The following ATP6V1E2 variants were observed in gnomAD, a reference collection of about 807,000 sequenced individuals.
ATP6V1E2 encodes V-type proton ATPase subunit E 2.
For missense variants in ATP6V1E2, 308 were observed against 273.3 expected, an observed-to-expected ratio of 1.13 and a Z score of -0.90; for synonymous variants, 121 against 104.2, an observed-to-expected ratio of 1.16 and a Z score of -0.98.
Position 46,512,486 on chromosome 2 carries a change from T to G in ATP6V1E2, c.226A>C (p.Arg76=). Reference sequence around the variant, plus strand: ...AGGACTTTCAGCCTCGCCTGATTCCTCATGGTGGACATCAGGATTTTCTTC... The same window carrying G: ...AGGACTTTCAGCCTCGCCTGATTCCGCATGGTGGACATCAGGATTTTCTTC... ...QQKKILMSTM[R]NQARLKVLRA... is the part of the protein sequence containing the mutation. The change falls in exon 5 of 5, where the codon AGG becomes CGG. Residue 76 remains arginine (R), a synonymous_variant. Coordinates refer to ENST00000522587, the MANE Select transcript of ATP6V1E2 (RefSeq NM_001318063.2). The G allele has an allele frequency of 6.2e-7, 1 of 1,614,238 alleles. No individual in the cohort carries two copies. Among genetic ancestry groups the G allele is most frequent in the Non-Finnish European group, 8.5e-7 (1 of 1,180,048 alleles).
intron 4 of ATP6V1E2, among the ~76,000 whole-genome samples, chr2:46,513,159 A>C (rs1687553373): frequency 1.3e-5 from 2 of 152,182 alleles, no homozygotes; most frequent in Admixed American, 1.3e-4. Context: ...ATTTGGGGTC[A>C]GGAGGGTTGG....
chr2:46,524,260 T>C (rs1416348748), intron 4 of ATP6V1E2, among the ~76,000 whole-genome samples: 1 of 152,120 alleles, frequency 6.6e-6, no homozygotes, highest in Non-Finnish European at 1.5e-5. Context: ...AGGTAGGGGA[T>C]GGTTTGAGAC....
At chr2:46,528,282 C>T (rs1392806493) in intron 4 of ATP6V1E2, among the ~76,000 whole-genome samples, 4 of 152,170 alleles carry the variant, frequency 2.6e-5, no homozygotes, top group Admixed American at 6.5e-5. Context: ...TAAATAAATT[C>T]ACCCTTCTTA....
chr2:46,523,116 T>G (rs1558661219), intron 4 of ATP6V1E2, among the ~76,000 whole-genome samples: 1 of 152,300 alleles, frequency 6.6e-6, no homozygotes, highest in Non-Finnish European at 1.5e-5. Flanking sequence ...TTTAAGTTCC[T>G]CGTAAATTCT....
chr2:46,538,653 TTCTC>T (rs1046722478), intron 2 of ATP6V1E2, among the ~76,000 whole-genome samples: 5 of 152,052 alleles, frequency 3.3e-5, no homozygotes, highest in South Asian at 2.1e-4. Context: ...GGTGGTGGTG[TTCTC>T]TCTCTCTCTT....
chr2:46,512,404 C>A lies in ATP6V1E2; in HGVS notation c.308G>T (p.Ser103Ile), dbSNP rs372465497. The A allele has an allele frequency of 6.2e-7, 1 of 1,614,056 alleles. No homozygotes were observed. The highest frequency in any genetic ancestry group is 1.3e-5 in the African/African-American group (1 of 74,908). The change falls in exon 5 of 5, where the codon AGC becomes ATC. Residue 103 changes from serine (S) to isoleucine (I), a missense_variant. By Grantham distance (142) the Ser-to-Ile change is moderately radical. Coordinates refer to ENST00000522587, the MANE Select transcript of ATP6V1E2 (RefSeq NM_001318063.2). ...GACCTCTGGGTCCTCCACAATCCTG[C>A]TGAGTCTCAGCTTCGCCTCACTGAG... Reference protein sequence around the residue: ...DLLSEAKLRLSRIVEDPEVYQ... With the variant: ...DLLSEAKLRLIRIVEDPEVYQ...
intron 4 of ATP6V1E2, among the ~76,000 whole-genome samples, chr2:46,531,879 A>C (rs538336969): frequency 6.6e-6 from 1 of 152,178 alleles, no homozygotes; most frequent in African/African-American, 2.4e-5. Flanking sequence ...AAAAAAATAA[A>C]CTATTTGTCA....
intron 4 of ATP6V1E2, among the ~76,000 whole-genome samples, chr2:46,525,193 G>T (rs190391156): frequency 6.6e-6 from 1 of 151,614 alleles, no homozygotes; most frequent in Non-Finnish European, 1.5e-5. Context: ...AGGGACAGGC[G>T]GCCGGGCGCG....
At chr2:46,513,553 C>A (rs906752937) in intron 4 of ATP6V1E2, among the ~76,000 whole-genome samples, 1 of 152,216 alleles carries the variant, frequency 6.6e-6, no homozygotes, top group Non-Finnish European at 1.5e-5. Context: ...TGGCTGGGCG[C>A]AGTGGCTCAC....
intron 4 of ATP6V1E2, among the ~76,000 whole-genome samples, chr2:46,517,784 A>C (rs1319459786): frequency 6.6e-6 from 1 of 152,236 alleles, no homozygotes; most frequent in Non-Finnish European, 1.5e-5. Context: ...GCAAAAGCAC[A>C]ATGAGATATC....
intron 3 of ATP6V1E2, among the ~76,000 whole-genome samples, chr2:46,536,201 G>C (rs1334421994): frequency 6.6e-6 from 1 of 152,184 alleles, no homozygotes; most frequent in Non-Finnish European, 1.5e-5. Flanking sequence ...CTCAGAGGCT[G>C]GGCCATTCTT....
intron 4 of ATP6V1E2, among the ~76,000 whole-genome samples, chr2:46,516,023 T>C (rs551105790): frequency 1.4e-4 from 21 of 152,184 alleles, no homozygotes; most frequent in Admixed American, 4.6e-4. Context: ...CACCCAAATA[T>C]ATGAAGCAAG....
intron 4 of ATP6V1E2, among the ~76,000 whole-genome samples, chr2:46,525,605 G>T (rs1666881216): frequency 6.6e-6 from 1 of 152,064 alleles, no homozygotes. Context: ...AAATCAGAAG[G>T]GCCTGAAAAG....
intron 4 of ATP6V1E2, among the ~76,000 whole-genome samples, chr2:46,518,491 A>C (rs201342966): frequency 4.6e-4 from 1 of 2,158 alleles, no homozygotes; most frequent in Non-Finnish European, 9.1e-4. Context: ...CACACACACA[A>C]CACACACACA....
At position 46,512,233 on chromosome 2, in the gene ATP6V1E2, T is replaced by C. The variant is rs149116181; in HGVS notation, c.479A>G (p.Gln160Arg). The C allele has an allele frequency of 1.2e-6, 2 of 1,613,934 alleles. No individual in the cohort carries two copies. The highest frequency in any genetic ancestry group is 1.3e-5 in the African/African-American group (1 of 74,922). ...KAIPEYMTIS[Q>R]KHVEVQIDKE... ...ATCAATCTGGACCTCCACATGTTTC[T>C]GGGAAATTGTCATGTACTCGGGGAT... Residue 160 changes from glutamine to arginine, a missense_variant, in exon 5 of 5, where the codon CAG becomes CGG. Gln to Arg is a conservative substitution (Grantham distance 43). Coordinates refer to ENST00000522587, the MANE Select transcript of ATP6V1E2 (RefSeq NM_001318063.2).
Position 46,512,090 on chromosome 2 carries a change from T to C in ATP6V1E2, c.622A>G (p.Met208Val), listed in dbSNP as rs1439926203. The C allele has an allele frequency of 1.2e-6, 2 of 1,613,566 alleles. No homozygotes were observed. Among genetic ancestry groups the C allele is most frequent in the South Asian group, 1.1e-5 (1 of 90,982 alleles). ...AACAAGGCCATTCGTATTTCTGGCA[T>C]CTTTTGCTTGGCTGAGAGATCCAGT... is the stretch of plus-strand genomic sequence containing the variant. ...SRLDLSAKQK[M>V]PEIRMALFGA... The change falls in exon 5 of 5, where the codon ATG (methionine) becomes GTG (valine). Residue 208 changes from methionine (M) to valine (V), a missense_variant. By Grantham distance (21) the Met-to-Val change is conservative. Transcript: ENST00000522587.
intron 4 of ATP6V1E2, among the ~76,000 whole-genome samples, chr2:46,531,052 AAAGT>A (rs561459615): frequency 1.2e-3 from 177 of 152,342 alleles, no homozygotes; most frequent in African/African-American, 3.8e-3. Flanking sequence ...AGGTGAATTT[AAAGT>A]AATATTTCAG....
Position 46,512,728 on chromosome 2 carries a change from G to T in ATP6V1E2, c.-17C>A. 3 of 1,595,594 alleles carry T rather than the reference G, an allele frequency of 1.9e-6. No homozygotes were observed. The highest frequency in any genetic ancestry group is 2.6e-6 in the Non-Finnish European group (3 of 1,172,254). ...CAGGGCCATGGCTGCTCTCAGAGGG[G>T]ACGGCAGAGAGGGAGCTCGTACACC... On this transcript the variant is annotated 5_prime_UTR_variant, in exon 5 of 5. Coordinates refer to ENST00000522587, the MANE Select transcript of ATP6V1E2 (RefSeq NM_001318063.2).
intron 4 of ATP6V1E2, among the ~76,000 whole-genome samples, chr2:46,517,525 C>A (rs941454302): frequency 6.6e-6 from 1 of 152,146 alleles, no homozygotes; most frequent in African/African-American, 2.4e-5. Context: ...GCAAATCAAA[C>A]AATCCACAGA....
Sources: allele counts gnomAD v4.1 joint callset (sites outside exome capture counted in the v4.1 genomes callset), GRCh38; gene constraint gnomAD v4.1.1; transcripts MANE v1.5; gene names NCBI Gene and HGNC (gene_info 2026-07-23, HGNC 2026-07-21).